GLUD1: variants seen among roughly 807,000 people sequenced by gnomAD.
GLUD1 encodes glutamate dehydrogenase 1, mitochondrial.
A neutral mutation model predicts 56.0 loss-of-function variants in GLUD1; 22 were observed. That is an observed-to-expected ratio of 0.39 (90% confidence interval 0.28 to 0.56). GLUD1 has a LOEUF of 0.56. Among genes scored for constraint, GLUD1 ranks in the 20% least tolerant of loss-of-function variants. GLUD1 has a pLI of 0.58. For synonymous variants in GLUD1, 223 were observed against 269.9 expected (o/e 0.83, Z 1.70); for missense variants, 451 against 732.0 (o/e 0.62, Z 4.43).
Position 87,053,356 on chromosome 10 carries a change from C to G in GLUD1, c.1543G>C (p.Glu515Gln), listed in dbSNP as rs1181538736. 6.2e-7 allele frequency: 1 copy of G among 1,610,132 alleles called. No homozygotes were observed. The highest frequency in any genetic ancestry group is 2.2e-5 in the East Asian group (1 of 44,868). The stretch of plus-strand genomic sequence containing the variant: ...TGCACACATACCCTGGCAGAACGCT[C>G]CATTGTGTATGCCAAGCCAGAGTGC... The part of the protein sequence containing the change: ...IVHSGLAYTM[E>Q]RSARQIMRTA... The change falls in exon 12 of 13, where the codon GAG (glutamate) becomes CAG (glutamine). Residue 515 changes from glutamate (E) to glutamine (Q), a missense_variant. Physicochemically the swap from Glu to Gln is conservative, Grantham distance 29. This residue lies in a region of GLUD1 where 43 missense variants were observed against 61.6 expected (regional missense o/e 0.70). Coordinates refer to ENST00000277865, the MANE Select transcript of GLUD1 (RefSeq NM_005271.5).
rs778470850 is a variant in GLUD1 at position 87,060,838 on chromosome 10, G to GA, written c.1060-14dup. ...TGGACCCATGTTGCTGCCATTGATT[G>GA]AAAATCACAATTAATAGCTGCACCA... On this transcript the variant is annotated splice_polypyrimidine_tract_variant and intron_variant, in intron 7 of 12. Transcript: ENST00000277865. 6 of 1,614,156 alleles carry GA rather than the reference G, an allele frequency of 3.7e-6. No individual in the cohort carries two copies. The East Asian group carries it at 1.1e-4, about 30-fold the overall frequency.
At chr10:87,079,244 A>T (rs373127938) in intron 1 of GLUD1, among the ~76,000 whole-genome samples, 2 of 151,858 alleles carry the variant, frequency 1.3e-5, no homozygotes, top group East Asian at 3.8e-4. Flanking sequence ...AAAACTGTAA[A>T]TAATATTAAG....
chr10:87,092,597 A>T, intron 1 of GLUD1: 1 of 974,018 alleles, frequency 1.0e-6, no homozygotes, highest in Non-Finnish European at 1.2e-6. Flanking sequence ...ATGGTAAACG[A>T]GTTGCTTCAG....
intron 8 of GLUD1, 75 bp from the exon 9 acceptor site, chr10:87,060,316 C>T (rs1845896186): frequency 1.1e-6 from 1 of 943,936 alleles, no homozygotes; most frequent in East Asian, 2.4e-5. Context: ...AAGAGATGTG[C>T]ATATATGAAC....
chr10:87,080,063 G>A (rs1026221879), intron 1 of GLUD1, among the ~76,000 whole-genome samples: 7 of 151,704 alleles, frequency 4.6e-5, no homozygotes, highest in Non-Finnish European at 7.4e-5. Flanking sequence ...TCAGCCTGCC[G>A]AGTGCCTGCG....
intron 9 of GLUD1, among the ~76,000 whole-genome samples, chr10:87,059,790 G>A (rs144758452): frequency 1.5e-3 from 232 of 152,300 alleles, no homozygotes; most frequent in African/African-American, 5.1e-3. Flanking sequence ...ACCTGAGCAC[G>A]TGTTCCTCAT....
chr10:87,086,230 C>A (rs1294786873), intron 1 of GLUD1, among the ~76,000 whole-genome samples: 1 of 152,164 alleles, frequency 6.6e-6, no homozygotes, highest in African/African-American at 2.4e-5. Context: ...TAATTTTACA[C>A]CAGATCTTCT....
At chr10:87,086,405 C>T (rs1372270412) in intron 1 of GLUD1, among the ~76,000 whole-genome samples, 1 of 152,152 alleles carries the variant, frequency 6.6e-6, no homozygotes, top group Non-Finnish European at 1.5e-5. Flanking sequence ...GTCCTTTCTT[C>T]AAAATGTTTT....
intron 1 of GLUD1, among the ~76,000 whole-genome samples, chr10:87,086,191 C>T (rs1380712205): frequency 6.6e-6 from 1 of 152,160 alleles, no homozygotes; most frequent in Non-Finnish European, 1.5e-5. Context: ...GAGAGAAGTA[C>T]GTGCCTGGAT....
At chr10:87,057,816 T>C in intron 10 of GLUD1, 34 bp from the exon 11 acceptor site, 1 of 910,634 alleles carries the variant, frequency 1.1e-6, no homozygotes, top group Non-Finnish European at 1.7e-6. Flanking sequence ...AAGATATTGC[T>C]AACAGAAAAA....
chr10:87,053,368 C>A lies in GLUD1; in HGVS notation c.1531G>T (p.Ala511Ser). Reference protein sequence around the residue: ...SEKDIVHSGLAYTMERSARQI... With the variant: ...SEKDIVHSGLSYTMERSARQI... The stretch of plus-strand genomic sequence containing the variant: ...CTGGCAGAACGCTCCATTGTGTATG[C>A]CAAGCCAGAGTGCACGATGTCTTTC... Residue 511 changes from alanine (A) to serine (S), a missense_variant, in exon 12 of 13, where the codon GCA becomes TCA. By Grantham distance (99) the Ala-to-Ser change is moderately conservative. Transcript: ENST00000277865. 6 of 1,612,084 alleles carry A rather than the reference C, an allele frequency of 3.7e-6. No homozygotes were observed. Among genetic ancestry groups the A allele is most frequent in the Non-Finnish European group, 5.1e-6 (6 of 1,178,190 alleles).
intron 1 of GLUD1, among the ~76,000 whole-genome samples, chr10:87,081,234 G>C (rs1841240498): frequency 6.7e-6 from 1 of 150,188 alleles, no homozygotes; most frequent in East Asian, 2.0e-4. Context: ...GCCTCTTCTG[G>C]GAGGTGAGGG....
intron 1 of GLUD1, chr10:87,092,649 G>A: frequency 1.0e-6 from 1 of 974,474 alleles, no homozygotes; most frequent in Non-Finnish European, 1.2e-6. Flanking sequence ...GGAGAGAGCT[G>A]GGCATCTGAA....
At chr10:87,058,801 G>A (rs1293003206) in intron 10 of GLUD1, among the ~76,000 whole-genome samples, 1 of 152,152 alleles carries the variant, frequency 6.6e-6, no homozygotes, top group Non-Finnish European at 1.5e-5. Context: ...TGAGGCAGGA[G>A]AATTGCTTGA....
chr10:87,088,730 C>A (rs1841445013), intron 1 of GLUD1, among the ~76,000 whole-genome samples: 1 of 152,190 alleles, frequency 6.6e-6, no homozygotes, highest in Admixed American at 6.5e-5. Flanking sequence ...AGAATTACGT[C>A]TGATAGACTT....
intron 12 of GLUD1, 140 bp downstream of exon 12, chr10:87,053,200 CAT>C (rs1327579498): frequency 2.9e-6 from 2 of 694,750 alleles, no homozygotes; most frequent in Non-Finnish European, 5.3e-6. Flanking sequence ...ACTGAAAAAA[CAT>C]GTGTTTTGCT....
At chr10:87,056,764 T>C (rs57952888) in intron 11 of GLUD1, among the ~76,000 whole-genome samples, 18,037 of 152,108 alleles carry the variant, frequency 0.12, 1,128 homozygotes, top group Admixed American at 0.15. Flanking sequence ...GTCACTAGAA[T>C]AAAGGTACAA....
rs1325058235 is a variant in GLUD1, at chr10:87,094,450, C to T, written c.320G>A (p.Arg107Gln). The T allele has an allele frequency of 2.5e-6, 4 of 1,613,622 alleles. No homozygotes were observed. Among genetic ancestry groups the T allele is most frequent in the Non-Finnish European group, 2.5e-6 (3 of 1,179,960 alleles). The change falls in exon 1 of 13, where the codon CGG becomes CAG. Residue 107 changes from arginine (R) to glutamine (Q), a missense_variant. Arg to Gln is a conservative substitution (Grantham distance 43, BLOSUM62 1). Around this residue, in one of 4 missense-constraint regions of GLUD1, gnomAD observed 158 missense variants for 189.7 expected, o/e 0.83. Coordinates refer to ENST00000277865, the MANE Select transcript of GLUD1 (RefSeq NM_005271.5). The surrounding 1 kb of genome is among the most constrained non-coding windows in gnomAD (Gnocchi z 6.6). ...QKRNRVRGIL[R>Q]IIKPCNHVLS... ...CACATGGTTGCAGGGCTTGATGATCCGCAGGATGCCGCGCACCCGGTTCCG... is the reference window on the plus strand; with the variant it reads ...CACATGGTTGCAGGGCTTGATGATCTGCAGGATGCCGCGCACCCGGTTCCG...
At chr10:87,060,592 C>A (rs770612575) in intron 8 of GLUD1, 96 bp downstream of exon 8, 4 of 1,472,980 alleles carry the variant, frequency 2.7e-6, no homozygotes, top group Middle Eastern at 2.2e-4. Context: ...AATAAAGCTG[C>A]TAAAAAGAAA....
Sources: gnomAD v4.1 joint callset for allele counts (sites outside exome capture counted in the v4.1 genomes callset) on GRCh38, gnomAD v4.1.1 for gene constraint, gnomAD v4.1.1 regional missense constraint, Gnocchi (gnomAD v3.1) non-coding constraint, MANE v1.5 for transcripts, NCBI Gene and HGNC (gene_info 2026-07-23, HGNC 2026-07-21) for gene names.